Variants in SPON1 observed in about 807,000 individuals in gnomAD.
The protein encoded by SPON1 is spondin-1.
In SPON1, 52 loss-of-function variants were observed where a neutral mutation model predicts 111.7. That is an observed-to-expected ratio of 0.47 (90% CI 0.37 to 0.59). The LOEUF (loss-of-function observed/expected upper bound fraction) is 0.59, where lower values mean the gene tolerates loss of function less well. Ranked by LOEUF, SPON1 falls within the 20% of genes least tolerant of loss-of-function variation. The pLI is 0.00. For synonymous variants in SPON1, 410 were observed against 395.8 expected, an observed-to-expected ratio of 1.04 and a Z score of -0.43; for missense variants, 957 against 1,068.5, an observed-to-expected ratio of 0.90 and a Z score of 1.46.
At position 14,063,584 on chromosome 11, in the gene SPON1, T is replaced by C. The variant is rs77149876; in HGVS notation, c.480-11761T>C. On this transcript the variant is annotated intron_variant, in intron 3 of 15. Coordinates refer to ENST00000576479, the MANE Select transcript of SPON1 (RefSeq NM_006108.4). ...GAACTCTGTGAGGGTCCAAGATGACTGTGGCTTACGTCTGATGAGCTTATG... is the reference window on the plus strand; with the variant it reads ...GAACTCTGTGAGGGTCCAAGATGACCGTGGCTTACGTCTGATGAGCTTATG... 3.2e-3 allele frequency among the ~76,000 whole-genome samples: 491 copies of C among 152,348 alleles called. 2 individuals carry two copies. Among genetic ancestry groups the C allele is most frequent in the Non-Finnish European group, 5.2e-3 (355 of 68,030 alleles).
chr11:14,015,771 G>A (rs1475072857), intron 2 of SPON1, among the ~76,000 whole-genome samples: 1 of 152,196 alleles, frequency 6.6e-6, no homozygotes, highest in Non-Finnish European at 1.5e-5. Flanking sequence ...GCTGTTTGGC[G>A]ATGTCCTTGT....
chr11:14,229,050 G>T (rs1184911866), intron 6 of SPON1, among the ~76,000 whole-genome samples: 2 of 152,182 alleles, frequency 1.3e-5, no homozygotes, highest in Non-Finnish European at 2.9e-5. Context: ...GCTGGGAATT[G>T]CTGCATATAC....
chr11:14,233,008 A>G (rs1369341614), intron 6 of SPON1, among the ~76,000 whole-genome samples: 2 of 151,736 alleles, frequency 1.3e-5, no homozygotes, highest in Non-Finnish European at 2.9e-5. Context: ...TCTGGCCATT[A>G]TACCTTAGTC....
At chr11:14,257,404 C>T (rs1191369972) in intron 10 of SPON1, among the ~76,000 whole-genome samples, 4 of 152,122 alleles carry the variant, frequency 2.6e-5, no homozygotes, top group African/African-American at 7.2e-5. Flanking sequence ...TTCAAAATTA[C>T]CTACAATGAG....
chr11:14,256,516 G>A, intron 9 of SPON1, 101 bp from the exon 10 acceptor site: 1 of 779,946 alleles, frequency 1.3e-6, no homozygotes. Flanking sequence ...CATACGATTT[G>A]TATACAGAAT....
chr11:14,186,658 A>G (rs1252361980), intron 6 of SPON1, among the ~76,000 whole-genome samples: 1 of 152,192 alleles, frequency 6.6e-6, no homozygotes, highest in African/African-American at 2.4e-5. Flanking sequence ...ACCCTTTGCC[A>G]TCCTGGCTCA....
At chr11:14,231,162 C>G (rs1299575632) in intron 6 of SPON1, among the ~76,000 whole-genome samples, 1 of 147,762 alleles carries the variant, frequency 6.8e-6, no homozygotes, top group African/African-American at 2.5e-5. Context: ...GAGATGGAGT[C>G]TCACTCTGTC....
At chr11:14,023,203 A>C (rs1453698405) in intron 2 of SPON1, among the ~76,000 whole-genome samples, 1 of 152,190 alleles carries the variant, frequency 6.6e-6, no homozygotes, top group Non-Finnish European at 1.5e-5. Context: ...GTGTAATGGA[A>C]AGCCACTGGA....
At position 14,228,350 on chromosome 11, in the gene SPON1, C is replaced by G. The variant is rs1184918985; in HGVS notation, c.826-14982C>G. Among the ~76,000 whole-genome samples, 5 of 152,218 alleles carry G rather than the reference C, an allele frequency of 3.3e-5. No homozygotes were observed. The highest frequency in any genetic ancestry group is 1.2e-4 in the African/African-American group (5 of 41,456). ...TTTTAGAACCCACTCTCTTTAGCAG[C>G]TGGGTTCTCTGGGAAGGAGACCTGC... On this transcript the variant is annotated intron_variant, in intron 6 of 15. Coordinates refer to ENST00000576479, the MANE Select transcript of SPON1 (RefSeq NM_006108.4). The surrounding 1 kb of genome is among the most constrained non-coding windows in gnomAD (Gnocchi z 4.2).
chr11:13,984,561 C>T (rs145767954), intron 2 of SPON1, among the ~76,000 whole-genome samples: 26 of 152,278 alleles, frequency 1.7e-4, no homozygotes, highest in South Asian at 4.2e-4. Context: ...TCCACTCCCA[C>T]GACAACCACA....
chr11:14,173,985 A>C (rs1848142817), intron 6 of SPON1, among the ~76,000 whole-genome samples: 1 of 152,118 alleles, frequency 6.6e-6, no homozygotes, highest in South Asian at 2.1e-4. Flanking sequence ...AAATTTTTCA[A>C]TTGCCAGTTT....
At position 14,113,697 on chromosome 11, in the gene SPON1, G is replaced by C. The variant is rs547640812; in HGVS notation, c.677-21723G>C. Among the ~76,000 whole-genome samples, 342 of 133,328 alleles carry C rather than the reference G, an allele frequency of 2.6e-3. 2 individuals carry two copies. The highest frequency in any genetic ancestry group is 8.4e-3 in the African/African-American group (309 of 36,628). 87.5% of individuals were successfully genotyped at this position (133,328 alleles called of 152,430 possible). On this transcript the variant is annotated intron_variant, in intron 5 of 15. Coordinates refer to ENST00000576479, the MANE Select transcript of SPON1 (RefSeq NM_006108.4). ...GGCTCACTGCAAGCTCCGCCTCCCG[G>C]GTTCACGCCATTCTCCTGCCTCAGC...
chr11:14,090,943 G>C (rs191611747), intron 5 of SPON1, among the ~76,000 whole-genome samples: 3,431 of 149,208 alleles, frequency 0.023, 140 homozygotes, highest in African/African-American at 0.079. Flanking sequence ...GGTTCTCCAC[G>C]TCCCCATCAG....
chr11:14,105,272 C>T (rs1849176011), intron 5 of SPON1, among the ~76,000 whole-genome samples: 1 of 152,084 alleles, frequency 6.6e-6, no homozygotes. Context: ...TCTTTAGGAA[C>T]TCCTATCTCT....
At chr11:14,090,624 G>T (rs1554923179) in intron 5 of SPON1, among the ~76,000 whole-genome samples, 4 of 152,046 alleles carry the variant, frequency 2.6e-5, no homozygotes, top group Non-Finnish European at 5.9e-5. Context: ...CCTCCTGGTG[G>T]GCTCGTGGTC....
chr11:14,212,459 A>G (rs1372471357), intron 6 of SPON1, among the ~76,000 whole-genome samples: 4 of 152,214 alleles, frequency 2.6e-5, no homozygotes, highest in African/African-American at 9.6e-5. Flanking sequence ...ATAATTAGAC[A>G]TAGTATTCCA....
chr11:14,081,246 G>A (rs1554922021), intron 5 of SPON1, among the ~76,000 whole-genome samples: 1 of 152,094 alleles, frequency 6.6e-6, no homozygotes, highest in African/African-American at 2.4e-5. Flanking sequence ...GCCAGGCACT[G>A]TGCTCAGCTC....
intron 6 of SPON1, among the ~76,000 whole-genome samples, chr11:14,147,017 CTTTTTTTTT>C (rs34930543): frequency 3.8e-4 from 25 of 65,046 alleles, no homozygotes; most frequent in Admixed American, 9.0e-4. Context: ...ATGAAAGAAC[CTTTTTTTTT>C]TTTTTTTTTT....
intron 6 of SPON1, among the ~76,000 whole-genome samples, chr11:14,200,035 C>G (rs149443220): frequency 1.4e-3 from 211 of 152,276 alleles, no homozygotes; most frequent in African/African-American, 4.6e-3. Flanking sequence ...ATACTTTCCC[C>G]CCACCCCTCA....
Sources: allele counts gnomAD v4.1 joint callset (sites outside exome capture counted in the v4.1 genomes callset), GRCh38; gene constraint gnomAD v4.1.1; non-coding constraint Gnocchi (gnomAD v3.1); transcripts MANE v1.5; gene names NCBI Gene and HGNC (gene_info 2026-07-23, HGNC 2026-07-21).